The following DOCK1 variants were observed in gnomAD, a reference collection of about 807,000 sequenced individuals.
DOCK1 encodes the protein dedicator of cytokinesis protein 1.
A neutral mutation model predicts 262.7 loss-of-function variants in DOCK1; 138 were observed. That is an observed-to-expected ratio of 0.53 (90% CI 0.46 to 0.61). The LOEUF (loss-of-function observed/expected upper bound fraction) is 0.61, where lower values mean the gene tolerates loss of function less well. DOCK1 is among the 20% of genes least tolerant of loss of function. DOCK1 has a pLI of 0.00. For synonymous variants in DOCK1, 866 were observed against 867.4 expected, an observed-to-expected ratio of 1.00 and a Z score of 0.03; for missense variants, 1,908 against 2,370.7, an observed-to-expected ratio of 0.80 and a Z score of 4.05.
At chr10:127,369,496 C>A (rs2065096345) in intron 33 of DOCK1, among the ~76,000 whole-genome samples, 1 of 152,190 alleles carries the variant, frequency 6.6e-6, no homozygotes, top group South Asian at 2.1e-4. Context: ...CCCCTTTAAC[C>A]AGATTAAACA....
At chr10:127,205,155 T>C (rs973165722) in intron 27 of DOCK1, among the ~76,000 whole-genome samples, 15 of 152,336 alleles carry the variant, frequency 9.8e-5, no homozygotes, top group East Asian at 9.6e-4. Flanking sequence ...GAACTGCTGA[T>C]GATACTTCTG....
intron 13 of DOCK1, 109 bp downstream of exon 13, chr10:127,018,944 G>C (rs770686647): frequency 3.4e-6 from 5 of 1,479,492 alleles, no homozygotes; most frequent in Non-Finnish European, 3.6e-6. Context: ...AAAGGGCTCA[G>C]CTCCTGGTAG....
intron 21 of DOCK1, among the ~76,000 whole-genome samples, chr10:127,046,047 A>G (rs958254578): frequency 6.6e-6 from 1 of 151,648 alleles, no homozygotes; most frequent in Admixed American, 6.6e-5. Flanking sequence ...GTTAAGATAC[A>G]TTTGTTGGTT....
At chr10:126,920,473 T>A (rs1262377366) in intron 1 of DOCK1, among the ~76,000 whole-genome samples, 4 of 152,162 alleles carry the variant, frequency 2.6e-5, no homozygotes, top group Non-Finnish European at 5.9e-5. Flanking sequence ...AGCTTTCGGG[T>A]CTTGATCATC....
chr10:127,162,577 A>G (rs1244509044), intron 27 of DOCK1, among the ~76,000 whole-genome samples: 1 of 152,162 alleles, frequency 6.6e-6, no homozygotes, highest in Non-Finnish European at 1.5e-5. Context: ...AGAATCACAC[A>G]CATCCCATTC....
intron 29 of DOCK1, among the ~76,000 whole-genome samples, chr10:127,276,511 C>T (rs979637474): frequency 1.3e-5 from 2 of 152,150 alleles, no homozygotes; most frequent in Admixed American, 6.5e-5. Context: ...TTCCTTCTCT[C>T]GCCACCCGTG....
Position 127,444,258 on chromosome 10 carries a change from C to A in DOCK1, c.5392C>A (p.Leu1798Ile). 6.2e-7 allele frequency: 1 copy of A among 1,609,714 alleles called. No homozygotes were observed. The highest frequency in any genetic ancestry group is 8.5e-7 in the Non-Finnish European group (1 of 1,178,406). ...CCCTCCAGTTACACCAAGGGCCAAG[C>A]TCAGCTTCAGCATGCAGTCGAGTAA... ...TPPPVTPRAK[L>I]SFSMQSSLEL... is the part of the protein sequence containing the mutation. Residue 1798 changes from leucine (L) to isoleucine (I), a missense_variant, in exon 50 of 52, where the codon CTC (leucine) becomes ATC (isoleucine). By Grantham distance (5) the Leu-to-Ile change is conservative (BLOSUM62 2). Coordinates refer to ENST00000623213, the MANE Select transcript of DOCK1 (RefSeq NM_001290223.2).
chr10:127,035,511 T>C (rs957493077), intron 18 of DOCK1, among the ~76,000 whole-genome samples: 2 of 152,084 alleles, frequency 1.3e-5, no homozygotes, highest in Non-Finnish European at 2.9e-5. Context: ...CCAAGGTGTT[T>C]TACTACTCAT....
At chr10:126,944,379 G>A (rs1427739261) in intron 1 of DOCK1, among the ~76,000 whole-genome samples, 2 of 152,074 alleles carry the variant, frequency 1.3e-5, no homozygotes, top group Non-Finnish European at 2.9e-5. Flanking sequence ...AGCACGCAGA[G>A]CCATGTGTGG....
intron 27 of DOCK1, among the ~76,000 whole-genome samples, chr10:127,196,687 C>T (rs1172227322): frequency 3.4e-5 from 5 of 148,086 alleles, no homozygotes; most frequent in Non-Finnish European, 7.5e-5. Flanking sequence ...AGTGGAGGAG[C>T]CCCCTCCCGC....
intron 38 of DOCK1, among the ~76,000 whole-genome samples, chr10:127,400,990 T>G (rs1248266888): frequency 1.3e-5 from 2 of 152,126 alleles, no homozygotes; most frequent in African/African-American, 4.8e-5. Context: ...ATATACAACT[T>G]CACTATCGTA....
chr10:127,083,465 A>T (rs2047022932), intron 23 of DOCK1, among the ~76,000 whole-genome samples: 1 of 152,150 alleles, frequency 6.6e-6, no homozygotes. Context: ...TTGATTTGAG[A>T]AACCCTTCGG....
intron 29 of DOCK1, among the ~76,000 whole-genome samples, chr10:127,292,106 C>T (rs968412691): frequency 1.3e-5 from 2 of 152,230 alleles, no homozygotes; most frequent in African/African-American, 4.8e-5. Flanking sequence ...TAGCCTCTGA[C>T]AATATTTCTA....
chr10:127,253,005 G>A (rs2059705705), intron 28 of DOCK1, among the ~76,000 whole-genome samples: 1 of 152,116 alleles, frequency 6.6e-6, no homozygotes, highest in South Asian at 2.1e-4. Context: ...CAGTGACAGT[G>A]AGCATATAGA....
chr10:127,236,825 G>A (rs944954360), intron 27 of DOCK1, among the ~76,000 whole-genome samples: 5 of 152,016 alleles, frequency 3.3e-5, no homozygotes, highest in Non-Finnish European at 5.9e-5. Context: ...CAGCCACTGT[G>A]CAAATATCCT....
At position 127,225,782 on chromosome 10, in the gene DOCK1, C is replaced by T. The variant is rs7070238; in HGVS notation, c.2848-22226C>T. Among the ~76,000 whole-genome samples, 218 of 152,140 alleles carry T rather than the reference C, an allele frequency of 1.4e-3. 1 individual carries two copies. Among genetic ancestry groups the T allele is most frequent in the African/African-American group, 5.0e-3 (208 of 41,520 alleles). Reference sequence around the variant, plus strand: ...GAAGACCATATCAAACCTGATGTACCCATAAGAAGTAGTTGGACGGGCATG... The same window carrying T: ...GAAGACCATATCAAACCTGATGTACTCATAAGAAGTAGTTGGACGGGCATG... On this transcript the variant is annotated intron_variant, in intron 27 of 51. Coordinates refer to ENST00000623213, the MANE Select transcript of DOCK1 (RefSeq NM_001290223.2).
In DOCK1 at chr10:126,998,118, C is replaced by G. The variant is rs1312061447; in HGVS notation, c.636C>G (p.Asn212Lys). 7 of 1,613,898 alleles carry G rather than the reference C, an allele frequency of 4.3e-6. No individual in the cohort carries two copies. The South Asian group carries it at 7.7e-5, about 18-fold the overall frequency. Residue 212 changes from asparagine to lysine, a missense_variant, in exon 8 of 52, where the codon AAC (asparagine) becomes AAG (lysine). Physicochemically the swap from Asn to Lys is moderately conservative, Grantham distance 94. Coordinates refer to ENST00000623213, the MANE Select transcript of DOCK1 (RefSeq NM_001290223.2). ...EKSQKQNIDINRQAKFAATPS... is the reference protein window; with the variant it reads ...EKSQKQNIDIKRQAKFAATPS... ...CTCAAAAGCAGAACATAGATATTAA[C>G]AGACAAGCCAAGTTTGCTGCAACCC... is the stretch of plus-strand genomic sequence containing the variant.
rs1017846114 is a variant in DOCK1, at chr10:126,950,446, A to T, written c.47-20256A>T. 1.5e-4 allele frequency among the ~76,000 whole-genome samples: 23 copies of T among 152,168 alleles called. 1 individual carries two copies. The highest frequency in any genetic ancestry group is 3.4e-3 in the Middle Eastern group (1 of 294). On this transcript the variant is annotated intron_variant, in intron 1 of 51. Transcript: ENST00000623213. ...TCTCCTTTAGACTGGGGTTCCATTCATGGGATTAATGGAATTGTTATTTCA... is the reference window on the plus strand; with the variant it reads ...TCTCCTTTAGACTGGGGTTCCATTCTTGGGATTAATGGAATTGTTATTTCA...
At chr10:127,248,930 C>T (rs2498937) in intron 28 of DOCK1, among the ~76,000 whole-genome samples, 3 of 151,932 alleles carry the variant, frequency 2.0e-5, no homozygotes, top group Admixed American at 6.6e-5. Flanking sequence ...ACTGTGCATG[C>T]GAAGGATCTA....
Sources: gnomAD v4.1 joint callset for allele counts (sites outside exome capture counted in the v4.1 genomes callset) on GRCh38, gnomAD v4.1.1 for gene constraint, MANE v1.5 for transcripts, NCBI Gene and HGNC (gene_info 2026-07-23, HGNC 2026-07-21) for gene names.